Variants in TJP1 observed in about 807,000 individuals in gnomAD.
The protein encoded by TJP1 is tight junction protein 1, also known as tight junction protein ZO-1.
TJP1 carries 43 observed loss-of-function variants against 194.2 expected under a neutral mutation model. That is an observed-to-expected ratio of 0.22 (90% CI 0.17 to 0.29). The LOEUF is 0.29. TJP1 is among the 10% of genes least tolerant of loss of function. The pLI is 1.00. For missense variants in TJP1, 1,971 were observed against 2,185.7 expected (o/e 0.90, Z 1.96); for synonymous variants, 801 against 779.0 (o/e 1.03, Z -0.47).
chr15:29,937,871 A>C (rs1567212945), intron 2 of TJP1, among the ~76,000 whole-genome samples: 1 of 152,254 alleles, frequency 6.6e-6, no homozygotes, highest in Non-Finnish European at 1.5e-5. Context: ...AAGTTCAATT[A>C]TCAAATGCTA....
intron 2 of TJP1, 187 bp downstream of exon 2, chr15:29,800,459 A>G (rs2048708222): frequency 1.7e-6 from 1 of 593,042 alleles, no homozygotes; most frequent in Non-Finnish European, 2.9e-6. Flanking sequence ...AAAAGGATAT[A>G]TGAAAAAGTA....
chr15:29,933,328 T>G (rs1428475601), intron 2 of TJP1, among the ~76,000 whole-genome samples: 1 of 151,948 alleles, frequency 6.6e-6, no homozygotes, highest in African/African-American at 2.4e-5. Context: ...GATGAAGAGA[T>G]TGTAGGAAGA....
intron 2 of TJP1, among the ~76,000 whole-genome samples, chr15:29,921,276 T>TA (rs2054349217): frequency 1.3e-5 from 2 of 152,290 alleles, no homozygotes; most frequent in African/African-American, 4.8e-5. Context: ...GCCTTGATCT[T>TA]AAACTATCTC....
intron 2 of TJP1, among the ~76,000 whole-genome samples, chr15:29,949,259 A>T (rs1488868740): frequency 1.2e-4 from 11 of 94,556 alleles, no homozygotes; most frequent in African/African-American, 4.6e-4. Flanking sequence ...CACCACCTCC[A>T]CCACCACCAC....
chr15:29,799,792 G>A (rs2048663986), intron 2 of TJP1, among the ~76,000 whole-genome samples: 1 of 151,948 alleles, frequency 6.6e-6, no homozygotes, highest in Admixed American at 6.5e-5. Context: ...GATAATCAGG[G>A]GCAGAGTCCA....
At chr15:29,704,887 G>A (rs1453944080) in intron 26 of TJP1, among the ~76,000 whole-genome samples, 2 of 152,208 alleles carry the variant, frequency 1.3e-5, no homozygotes, top group East Asian at 1.9e-4. Flanking sequence ...AGAATCAGAT[G>A]TCAGTATTCC....
At chr15:29,941,831 T>C (rs1274318633) in intron 2 of TJP1, among the ~76,000 whole-genome samples, 3 of 151,998 alleles carry the variant, frequency 2.0e-5, no homozygotes, top group Non-Finnish European at 4.4e-5. Flanking sequence ...CATGCGTGTA[T>C]GTGTTTGCAT....
intron 4 of TJP1, among the ~76,000 whole-genome samples, chr15:29,767,055 G>C (rs1566984044): frequency 6.6e-6 from 1 of 152,158 alleles, no homozygotes; most frequent in African/African-American, 2.4e-5. Context: ...ATATGTTGGA[G>C]CTAATTAACT....
At chr15:29,725,528 C>A (rs540606877) in intron 18 of TJP1, among the ~76,000 whole-genome samples, 5 of 152,006 alleles carry the variant, frequency 3.3e-5, no homozygotes, top group African/African-American at 1.2e-4. Context: ...CTCAATCTTC[C>A]CTAATAACCA....
chr15:29,901,670 A>C (rs561422792), intron 2 of TJP1, among the ~76,000 whole-genome samples: 29 of 152,150 alleles, frequency 1.9e-4, no homozygotes, highest in Middle Eastern at 3.4e-3. Flanking sequence ...AAAAATACAA[A>C]AATTAGCCAG....
chr15:29,811,413 G>A (rs1481238065), intron 1 of TJP1, among the ~76,000 whole-genome samples: 1 of 135,992 alleles, frequency 7.4e-6, no homozygotes, highest in Non-Finnish European at 1.6e-5. Flanking sequence ...GAATCCAGAG[G>A]GAGGATTACT....
In TJP1 at chr15:29,900,707, C is replaced by T. The variant is rs149988731; in HGVS notation, c.306+55525G>A. 1.1e-3 allele frequency among the ~76,000 whole-genome samples: 160 copies of T among 152,292 alleles called. 3 individuals carry two copies. Among genetic ancestry groups the T allele is most frequent in the African/African-American group, 3.7e-3 (155 of 41,568 alleles). On this transcript the variant is annotated intron_variant, in intron 2 of 28. Transcript: ENST00000356107. ...GTAATCAATATACATGAAGGCACAG[C>T]CCAGTGTACGGCACATGGGCTTGTG...
At chr15:29,714,278 G>C (rs2042415112) in intron 23 of TJP1, among the ~76,000 whole-genome samples, 1 of 151,432 alleles carries the variant, frequency 6.6e-6, no homozygotes, top group Admixed American at 6.6e-5. Flanking sequence ...TGGCTCTGTC[G>C]CCCAGACTGG....
At chr15:29,948,688 A>G (rs934293650) in intron 2 of TJP1, among the ~76,000 whole-genome samples, 3 of 152,170 alleles carry the variant, frequency 2.0e-5, no homozygotes, top group Non-Finnish European at 4.4e-5. Flanking sequence ...AAAGTATCCC[A>G]GGAAAATGGA....
intron 1 of TJP1, among the ~76,000 whole-genome samples, chr15:29,966,852 C>T (rs4779467): frequency 0.96 from 145,359 of 152,094 alleles, 69,570 homozygotes; most frequent in East Asian, 1. Flanking sequence ...CATACCCCCA[C>T]ATACCATCAA....
intron 2 of TJP1, among the ~76,000 whole-genome samples, chr15:29,834,726 G>T (rs781091008): frequency 1.3e-5 from 2 of 152,132 alleles, no homozygotes; most frequent in Non-Finnish European, 1.5e-5. Flanking sequence ...AAACTTGAAG[G>T]GGACAAATTA....
chr15:29,790,751 CTTTTT>C (rs926624507), intron 2 of TJP1, among the ~76,000 whole-genome samples: 1 of 130,796 alleles, frequency 7.6e-6, no homozygotes. Context: ...GTTCATTTTT[CTTTTT>C]TTTTTTTTTT....
At chr15:29,821,897 G>A in intron 1 of TJP1, 105 bp downstream of exon 1, 2 of 1,056,646 alleles carry the variant, frequency 1.9e-6, no homozygotes, top group Non-Finnish European at 2.3e-6. Context: ...CCGCCCCGGG[G>A]CCCAGACAGC....
At position 29,712,631 on chromosome 15, in the gene TJP1, C is replaced by T. The variant is rs538583618; in HGVS notation, c.4203-1631G>A. Reference sequence around the variant, plus strand: ...CAATCACTTAGTTATGTCCCGTCTGCTGGCCCATCCTTCATGTACTTTAAC... The same window carrying T: ...CAATCACTTAGTTATGTCCCGTCTGTTGGCCCATCCTTCATGTACTTTAAC... On this transcript the variant is annotated intron_variant, in intron 23 of 27. Coordinates refer to ENST00000614355, the MANE Select transcript of TJP1 (RefSeq NM_001330239.4). Among the ~76,000 whole-genome samples the T allele has an allele frequency of 2.2e-4, 34 of 152,276 alleles. 1 individual carries two copies. The South Asian group carries it at 6.8e-3, about 31-fold the overall frequency.
Sources: gnomAD v4.1 joint callset for allele counts (sites outside exome capture counted in the v4.1 genomes callset) on GRCh38, gnomAD v4.1.1 for gene constraint, MANE v1.5 for transcripts, NCBI Gene and HGNC (gene_info 2026-07-23, HGNC 2026-07-21) for gene names.